The following ACMSD variants were observed in gnomAD, a reference collection of about 807,000 sequenced individuals.
ACMSD encodes the protein 2-amino-3-carboxymuconate-6-semialdehyde decarboxylase.
In ACMSD, 37 loss-of-function variants were observed where a neutral mutation model predicts 45.9. The ratio of observed to expected loss-of-function variants is 0.81; its 90% CI spans 0.62 to 1.06. The LOEUF (loss-of-function observed/expected upper bound fraction) is 1.06. ACMSD is among the 50% of genes least tolerant of loss of function. The pLI, the probability that ACMSD is intolerant of heterozygous loss-of-function variation, is 0.00. For missense variants in ACMSD, 434 were observed against 420.9 expected (o/e 1.03, Z -0.27); for synonymous variants, 138 against 148.8 (o/e 0.93, Z 0.53).
At chr2:134,839,650 T>C (rs745722593) in intron 1 of ACMSD, among the ~76,000 whole-genome samples, 2 of 152,230 alleles carry the variant, frequency 1.3e-5, no homozygotes, top group Non-Finnish European at 2.9e-5. Flanking sequence ...CTCATAGTTG[T>C]CTCATTGAAG....
At chr2:134,854,774 T>C (rs982516567) in intron 2 of ACMSD, among the ~76,000 whole-genome samples, 18 of 152,012 alleles carry the variant, frequency 1.2e-4, no homozygotes, top group African/African-American at 4.3e-4. Context: ...TCCAAGGATG[T>C]TGGATGGCCA....
At chr2:134,901,416 G>A (rs1423353123) in intron 9 of ACMSD, among the ~76,000 whole-genome samples, 4 of 152,154 alleles carry the variant, frequency 2.6e-5, no homozygotes, top group Non-Finnish European at 2.9e-5. Context: ...GCAGCTGGGG[G>A]ATGGCTAGAT....
intron 9 of ACMSD, among the ~76,000 whole-genome samples, chr2:134,898,812 C>CT (rs1245119444): frequency 6.6e-6 from 1 of 152,094 alleles, no homozygotes; most frequent in Non-Finnish European, 1.5e-5. Flanking sequence ...GATGATGAAA[C>CT]TAAAGTCTTG....
rs758042997 is a variant in ACMSD at position 134,892,557 on chromosome 2, G to T, written c.850-5784G>T. Among the ~76,000 whole-genome samples, 21 of 152,144 alleles carry T rather than the reference G, an allele frequency of 1.4e-4. 1 individual carries two copies. The highest frequency in any genetic ancestry group is 2.9e-5 in the Non-Finnish European group (2 of 68,036). ...TGGAGGCTAGATGACTCCATGGAAGGCGCTAGGTAATTAAGTACTTTCCTT... is the reference window on the plus strand; with the variant it reads ...TGGAGGCTAGATGACTCCATGGAAGTCGCTAGGTAATTAAGTACTTTCCTT... On this transcript the variant is annotated intron_variant, in intron 8 of 9. Transcript: ENST00000356140.
At position 134,901,812 on chromosome 2, in the gene ACMSD, C is replaced by T. The variant is rs752073522; in HGVS notation, c.963C>T (p.Ala321=). The T allele has an allele frequency of 2.4e-5, 39 of 1,597,296 alleles. No individual in the cohort carries two copies. The highest frequency in any genetic ancestry group is 5.4e-5 in the African/African-American group (4 of 74,496). ...FDEETKNKLK[A]GNALAFLGLE... The stretch of plus-strand genomic sequence containing the variant: ...TTTCTTTTCAGAATAAACTCAAAGC[C>T]GGCAATGCCCTGGCATTTTTGGGTC... The change falls in exon 10 of 10, where the codon GCC becomes GCT. Residue 321 remains alanine, a synonymous_variant. Transcript: ENST00000356140.
chr2:134,872,848 A>G (rs1054599357), intron 8 of ACMSD: 1 of 562,666 alleles, frequency 1.8e-6, no homozygotes, highest in East Asian at 3.0e-5. Flanking sequence ...TAACACTAAG[A>G]AACTATTATA....
intron 8 of ACMSD, among the ~76,000 whole-genome samples, chr2:134,892,999 A>T (rs549459688): frequency 1.6e-4 from 24 of 152,260 alleles, no homozygotes; most frequent in Admixed American, 1.2e-3. Context: ...GACAGAGAAG[A>T]AGTAAGTAGT....
chr2:134,850,971 C>A (rs1368904422), intron 2 of ACMSD, among the ~76,000 whole-genome samples: 1 of 152,164 alleles, frequency 6.6e-6, no homozygotes, highest in Non-Finnish European at 1.5e-5. Context: ...CTGGTAGTCC[C>A]CAGTGTCTAC....
intron 2 of ACMSD, among the ~76,000 whole-genome samples, chr2:134,858,931 G>A (rs1174643412): frequency 2.0e-5 from 3 of 147,570 alleles, no homozygotes; most frequent in African/African-American, 5.0e-5. Flanking sequence ...CCAGACGCTG[G>A]GCCATCCTCT....
At chr2:134,890,694 A>G (rs916454416) in intron 8 of ACMSD, among the ~76,000 whole-genome samples, 1 of 152,062 alleles carries the variant, frequency 6.6e-6, no homozygotes, top group African/African-American at 2.4e-5. Flanking sequence ...CAACTGACAT[A>G]TAGCTCAAAG....
At chr2:134,843,323 T>C (rs908047681) in intron 1 of ACMSD, among the ~76,000 whole-genome samples, 1 of 152,126 alleles carries the variant, frequency 6.6e-6, no homozygotes, top group African/African-American at 2.4e-5. Context: ...CTGATGTCAC[T>C]GGGGAAGAAA....
intron 2 of ACMSD, among the ~76,000 whole-genome samples, chr2:134,858,959 G>A (rs1414111251): frequency 6.8e-6 from 1 of 146,566 alleles, no homozygotes; most frequent in Non-Finnish European, 1.5e-5. Flanking sequence ...AGTAGCCAGG[G>A]GTTCAGATCA....
At chr2:134,891,771 C>CTTTG (rs1689797254) in intron 8 of ACMSD, among the ~76,000 whole-genome samples, 2 of 151,992 alleles carry the variant, frequency 1.3e-5, no homozygotes, top group African/African-American at 4.8e-5. Context: ...CAAAAAGATA[C>CTTTG]CTACACTTGT....
In ACMSD at chr2:134,838,670, T is replaced by C. The variant is rs759142404; in HGVS notation, c.-13T>C. 6.2e-7 allele frequency: 1 copy of C among 1,608,618 alleles called. No individual in the cohort carries two copies. The highest frequency in any genetic ancestry group is 2.2e-5 in the East Asian group (1 of 44,812). On this transcript the variant is annotated 5_prime_UTR_variant, in exon 1 of 10. The change abolishes the stop of an existing upstream ORF in the 5' untranslated region. Coordinates refer to ENST00000356140, the MANE Select transcript of ACMSD (RefSeq NM_138326.3). Reference sequence around the variant, plus strand: ...AAACTTCTTTCCTTGCATGCTTCTCTGATCCTGTGGAGATGAAAATTGACA... The same window carrying C: ...AAACTTCTTTCCTTGCATGCTTCTCCGATCCTGTGGAGATGAAAATTGACA...
At chr2:134,849,170 C>T (rs149083994) in intron 2 of ACMSD, among the ~76,000 whole-genome samples, 2 of 152,124 alleles carry the variant, frequency 1.3e-5, no homozygotes, top group African/African-American at 4.8e-5. Context: ...ATTTGAATGG[C>T]CTTCATTTCA....
intron 8 of ACMSD, among the ~76,000 whole-genome samples, chr2:134,895,873 T>G (rs1374481144): frequency 6.6e-6 from 1 of 151,730 alleles, no homozygotes; most frequent in Admixed American, 6.6e-5. Context: ...AAAAAGAAAA[T>G]GCAAGGGATC....
chr2:134,885,319 A>ATATATGTAAATATATATTTATATAT (rs35092050), intron 8 of ACMSD, among the ~76,000 whole-genome samples: 2 of 103,144 alleles, frequency 1.9e-5, no homozygotes, highest in East Asian at 3.2e-4. Flanking sequence ...ATATATATAT[A>ATATATGTAAATATATATTTATATAT]AATATATATG....
At chr2:134,878,172 T>A (rs1007598399) in intron 8 of ACMSD, among the ~76,000 whole-genome samples, 6 of 152,150 alleles carry the variant, frequency 3.9e-5, no homozygotes, top group African/African-American at 1.2e-4. Flanking sequence ...GAGACAAGCA[T>A]AGGATACTTG....
chr2:134,880,144 A>T (rs1203281158), intron 8 of ACMSD, among the ~76,000 whole-genome samples: 1 of 152,138 alleles, frequency 6.6e-6, no homozygotes, highest in East Asian at 1.9e-4. Context: ...TTCCCTCAGA[A>T]TTTTAAAGTC....
Sources: allele counts gnomAD v4.1 joint callset (sites outside exome capture counted in the v4.1 genomes callset), GRCh38; gene constraint gnomAD v4.1.1; transcripts MANE v1.5; gene names NCBI Gene and HGNC (gene_info 2026-07-23, HGNC 2026-07-21).